ATP8A2: variants seen among roughly 807,000 people sequenced by gnomAD.
ATP8A2 encodes ATPase phospholipid transporting 8A2.
ATP8A2 carries 100 observed loss-of-function variants against 165.6 expected under a neutral mutation model. The ratio of observed to expected loss-of-function variants is 0.60; its 90% CI spans 0.51 to 0.71. ATP8A2 has a LOEUF of 0.71. ATP8A2 is among the 30% of genes least tolerant of loss of function. The pLI is 0.00. For missense variants in ATP8A2, 1,227 were observed against 1,479.5 expected, an observed-to-expected ratio of 0.83 and a Z score of 2.80; for synonymous variants, 543 against 548.8, an observed-to-expected ratio of 0.99 and a Z score of 0.15.
chr13:25,855,165 C>A (rs563050996), intron 30 of ATP8A2, among the ~76,000 whole-genome samples: 7 of 151,666 alleles, frequency 4.6e-5, no homozygotes, highest in African/African-American at 1.7e-4. Context: ...GCAAGAGAAT[C>A]GCTTGAACCC....
At chr13:25,897,346 T>A (rs1237019284) in intron 33 of ATP8A2, among the ~76,000 whole-genome samples, 1 of 152,222 alleles carries the variant, frequency 6.6e-6, no homozygotes, top group Non-Finnish European at 1.5e-5. Context: ...TCTTTAAGAA[T>A]GTTGAATATT....
At chr13:25,454,256 A>ACCCACCAT (rs1343135043) in intron 1 of ATP8A2, among the ~76,000 whole-genome samples, 1 of 152,156 alleles carries the variant, frequency 6.6e-6, no homozygotes, top group Non-Finnish European at 1.5e-5. Context: ...CCTGTCATCA[A>ACCCACCAT]CCCACCATCT....
At chr13:25,455,549 C>T (rs750873934) in intron 1 of ATP8A2, among the ~76,000 whole-genome samples, 2 of 152,192 alleles carry the variant, frequency 1.3e-5, no homozygotes, top group African/African-American at 4.8e-5. Context: ...TTATACATTT[C>T]ATTTCGTAGC....
chr13:25,609,705 T>C (rs1015138753), intron 24 of ATP8A2, among the ~76,000 whole-genome samples: 1 of 150,790 alleles, frequency 6.6e-6, no homozygotes, highest in Admixed American at 6.7e-5. Flanking sequence ...CTCCACACTG[T>C]GTTCCATAGT....
At chr13:25,773,167 C>G (rs547097174) in intron 26 of ATP8A2, among the ~76,000 whole-genome samples, 2 of 152,252 alleles carry the variant, frequency 1.3e-5, no homozygotes, top group South Asian at 2.1e-4. Context: ...CTTGTCTCTC[C>G]TAGTAGTGTA....
rs1984264 is a variant in ATP8A2, at chr13:25,563,549, C to T, written c.1398-407C>T. 8.2e-4 allele frequency among the ~76,000 whole-genome samples: 124 copies of T among 152,104 alleles called. 2 individuals are homozygous for T. In the South Asian group the frequency reaches 0.024, roughly 29 times the overall value. ...TGTTGTCTTCCCTCTCCTACATATGCGCTCTGGCCACAAATGATTGCATGT... is the reference window on the plus strand; with the variant it reads ...TGTTGTCTTCCCTCTCCTACATATGTGCTCTGGCCACAAATGATTGCATGT... On this transcript the variant is annotated intron_variant, in intron 15 of 36. Transcript: ENST00000381655.
chr13:25,674,271 C>CA (rs1025430969), intron 24 of ATP8A2, among the ~76,000 whole-genome samples: 5 of 152,070 alleles, frequency 3.3e-5, no homozygotes, highest in African/African-American at 1.2e-4. Context: ...TGTGTCCCCC[C>CA]CCGAAAACTA....
Position 25,674,191 on chromosome 13 carries a change from C to T in ATP8A2, c.2212-24982C>T, listed in dbSNP as rs1320294486. ...TAGAGAAGCCACCCAACCTCTGCCC[C>T]TGTTTAGGCTAGTGTGAACAAATTC... On this transcript the variant is annotated intron_variant, in intron 24 of 36. Coordinates refer to ENST00000381655, the MANE Select transcript of ATP8A2 (RefSeq NM_016529.6). Among the ~76,000 whole-genome samples, 7 of 152,296 alleles carry T rather than the reference C, an allele frequency of 4.6e-5. No homozygotes were observed. The East Asian group carries it at 1.4e-3, about 29-fold the overall frequency.
Position 25,372,080 on chromosome 13 carries a change from G to C in ATP8A2, c.-133G>C, listed in dbSNP as rs2032417865. 7.6e-6 allele frequency: 4 copies of C among 526,440 alleles called. No individual in the cohort carries two copies. Among genetic ancestry groups the C allele is most frequent in the Admixed American group, 9.8e-5 (2 of 20,470 alleles). 32.6% of individuals were successfully genotyped at this position (526,440 alleles called of 1,614,324 possible). On this transcript the variant is annotated 5_prime_UTR_variant, in exon 1 of 37. Transcript: ENST00000381655. The surrounding 1 kb of genome is among the most constrained non-coding windows in gnomAD (Gnocchi z 4.8). ...TCGGGCGCGGCCCGGCACAGGCGCC[G>C]GCGGTCCCCGCCAGCTAGCAGCCCG... is the stretch of plus-strand genomic sequence containing the variant.
At chr13:25,528,479 A>G (rs2037911237) in intron 2 of ATP8A2, among the ~76,000 whole-genome samples, 1 of 152,136 alleles carries the variant, frequency 6.6e-6, no homozygotes, top group South Asian at 2.1e-4. Context: ...GTTCCATCAA[A>G]TGACCTCTGG....
intron 24 of ATP8A2, among the ~76,000 whole-genome samples, chr13:25,602,086 A>G (rs2040402517): frequency 6.6e-6 from 1 of 152,132 alleles, no homozygotes; most frequent in Non-Finnish European, 1.5e-5. Context: ...AAACTTGCTT[A>G]TCAACATTTT....
At chr13:25,862,184 CAA>C in intron 32 of ATP8A2, 115 bp from the exon 33 acceptor site, 2 of 683,628 alleles carry the variant, frequency 2.9e-6, no homozygotes, top group East Asian at 2.7e-5. Context: ...GGTGAGTCAT[CAA>C]AGTCTTTCCA....
chr13:25,573,559 A>G (rs1180011749), intron 18 of ATP8A2, among the ~76,000 whole-genome samples: 2 of 152,236 alleles, frequency 1.3e-5, no homozygotes, highest in East Asian at 3.8e-4. Flanking sequence ...CAGTACTACC[A>G]AGTCAGGAAC....
At chr13:26,013,683 A>AT (rs1203161238) in intron 36 of ATP8A2, among the ~76,000 whole-genome samples, 1 of 51,274 alleles carries the variant, frequency 2.0e-5, no homozygotes, top group African/African-American at 4.2e-5. Flanking sequence ...TCAAAAAAAA[A>AT]AAAAAAGAAA....
chr13:25,629,710 C>G (rs4293224), intron 24 of ATP8A2, among the ~76,000 whole-genome samples: 1 of 151,924 alleles, frequency 6.6e-6, no homozygotes, highest in Non-Finnish European at 1.5e-5. Flanking sequence ...TGTGGTCACC[C>G]GCCCCCTTCC....
At chr13:25,673,994 A>AG (rs2042319140) in intron 24 of ATP8A2, among the ~76,000 whole-genome samples, 1 of 152,098 alleles carries the variant, frequency 6.6e-6, no homozygotes, top group African/African-American at 2.4e-5. Flanking sequence ...AGCAGAGGAA[A>AG]CTCGGCAGTG....
At chr13:25,681,326 A>G (rs1374279462) in intron 24 of ATP8A2, among the ~76,000 whole-genome samples, 1 of 152,210 alleles carries the variant, frequency 6.6e-6, no homozygotes, top group African/African-American at 2.4e-5. Flanking sequence ...TTGGAAAGTG[A>G]TTTTGGGATT....
chr13:25,383,295 G>A (rs35745963), intron 1 of ATP8A2, among the ~76,000 whole-genome samples: 3,701 of 151,342 alleles, frequency 0.024, 64 homozygotes, highest in Middle Eastern at 0.037. Context: ...AGTAGAGACG[G>A]CGTTTCACCA....
intron 27 of ATP8A2, among the ~76,000 whole-genome samples, chr13:25,781,526 T>C: frequency 6.6e-6 from 1 of 151,926 alleles, no homozygotes; most frequent in Non-Finnish European, 1.5e-5. Flanking sequence ...TCTCACTCTG[T>C]CACCCAGGCT....
Sources: gnomAD v4.1 joint callset for allele counts (sites outside exome capture counted in the v4.1 genomes callset) on GRCh38, gnomAD v4.1.1 for gene constraint, Gnocchi (gnomAD v3.1) non-coding constraint, MANE v1.5 for transcripts, NCBI Gene and HGNC (gene_info 2026-07-23, HGNC 2026-07-21) for gene names.